FBXL5: variants seen among roughly 807,000 people sequenced by gnomAD.
The protein encoded by FBXL5 is F-box and leucine rich repeat protein 5, also known as F-box/LRR-repeat protein 5.
A neutral mutation model predicts 78.3 loss-of-function variants in FBXL5; 26 were observed. That is an observed-to-expected ratio of 0.33 (90% CI 0.24 to 0.46). The LOEUF (loss-of-function observed/expected upper bound fraction) is 0.46. FBXL5 is among the 20% of genes least tolerant of loss of function. The pLI is 1.00. For synonymous variants in FBXL5, 295 were observed against 282.5 expected (o/e 1.04, Z -0.45); for missense variants, 710 against 829.2 (o/e 0.86, Z 1.77).
intron 1 of FBXL5, chr4:15,681,346 C>T: frequency 6.2e-6 from 1 of 162,464 alleles, no homozygotes. Context: ...GGGCCGGGAG[C>T]GCTTACCCCG....
At chr4:15,672,429 G>A (rs1717805714) in intron 1 of FBXL5, among the ~76,000 whole-genome samples, 2 of 152,220 alleles carry the variant, frequency 1.3e-5, no homozygotes, top group African/African-American at 4.8e-5. Flanking sequence ...AGATGGCACA[G>A]CCTCCTACAC....
chr4:15,680,989 C>CAA (rs56262785), intron 1 of FBXL5, among the ~76,000 whole-genome samples: 1 of 149,366 alleles, frequency 6.7e-6, no homozygotes. Flanking sequence ...ATCTCAACCA[C>CAA]AAAAAAATTT....
intron 9 of FBXL5, among the ~76,000 whole-genome samples, chr4:15,618,033 G>A (rs1712092201): frequency 6.6e-6 from 1 of 152,170 alleles, no homozygotes; most frequent in Admixed American, 6.5e-5. Flanking sequence ...AAAGTAGCAG[G>A]AGGGGAAACA....
In FBXL5 at chr4:15,675,933, A is replaced by G. The variant is rs1008710503; in HGVS notation, c.-284+5450T>C. Reference sequence around the variant, plus strand: ...CAGAAATGCTATTCTGACTACCTCAAACAGAATTCTTTCTGATCCACAGAT... The same window carrying G: ...CAGAAATGCTATTCTGACTACCTCAGACAGAATTCTTTCTGATCCACAGAT... On this transcript the variant is annotated intron_variant, in intron 1 of 4. Coordinates refer to the FBXL5 transcript ENST00000507899. Among the ~76,000 whole-genome samples the G allele has an allele frequency of 1.2e-4, 18 of 152,282 alleles. No homozygotes were observed. The East Asian group carries it at 3.5e-3, about 29-fold the overall frequency.
At chr4:15,647,557 T>C (rs552588756) in intron 1 of FBXL5, among the ~76,000 whole-genome samples, 3 of 152,304 alleles carry the variant, frequency 2.0e-5, no homozygotes, top group African/African-American at 7.2e-5. Context: ...CAGGGAATTT[T>C]GCATATATTC....
chr4:15,644,369 C>T, intron 2 of FBXL5, 124 bp downstream of exon 2: 1 of 764,814 alleles, frequency 1.3e-6, no homozygotes, highest in South Asian at 1.8e-5. Flanking sequence ...CCATCTTTAA[C>T]AAGTGACAAA....
intron 10 of FBXL5, among the ~76,000 whole-genome samples, chr4:15,608,018 T>C (rs1443391947): frequency 6.6e-6 from 1 of 152,190 alleles, no homozygotes; most frequent in African/African-American, 2.4e-5. Flanking sequence ...GGTAGTTGTT[T>C]TGTTTGCATC....
chr4:15,614,688 T>TA lies in FBXL5; in HGVS notation c.1851-2275dup, dbSNP rs1232429386. Among the ~76,000 whole-genome samples, 4 of 152,136 alleles carry TA rather than the reference T, an allele frequency of 2.6e-5. No homozygotes were observed. In the East Asian group the frequency reaches 7.7e-4, roughly 29 times the overall value. ...TATGGTTCCCAGGCCAGTGGAGTTA[T>TA]ATTCCCAGGGGTATGGGTGGAGTTA... is the stretch of plus-strand genomic sequence containing the variant. On this transcript the variant is annotated intron_variant, in intron 9 of 10. Coordinates refer to ENST00000341285, the MANE Select transcript of FBXL5 (RefSeq NM_012161.4).
intron 1 of FBXL5, among the ~76,000 whole-genome samples, chr4:15,668,180 G>A (rs1298203780): frequency 6.6e-6 from 1 of 151,284 alleles, no homozygotes; most frequent in East Asian, 1.9e-4. Flanking sequence ...GCTACTGACA[G>A]AAGTATAAAG....
At chr4:15,639,514 A>G (rs999423144) in intron 3 of FBXL5, among the ~76,000 whole-genome samples, 3 of 152,252 alleles carry the variant, frequency 2.0e-5, no homozygotes. Context: ...AGAATTATCT[A>G]TGGAGATTTC....
chr4:15,642,146 G>A (rs1436133715), intron 2 of FBXL5, among the ~76,000 whole-genome samples: 3 of 151,968 alleles, frequency 2.0e-5, no homozygotes, highest in African/African-American at 7.2e-5. Context: ...GCAATTCTAA[G>A]GAGCTATAAA....
intron 3 of FBXL5, among the ~76,000 whole-genome samples, chr4:15,639,904 G>A (rs762212263): frequency 3.9e-5 from 6 of 152,090 alleles, no homozygotes; most frequent in East Asian, 1.9e-4. Flanking sequence ...CAGGTATTCC[G>A]TTCCTCATAA....
intron 1 of FBXL5, among the ~76,000 whole-genome samples, chr4:15,673,929 A>T (rs997007081): frequency 6.6e-6 from 1 of 152,228 alleles, no homozygotes; most frequent in East Asian, 1.9e-4. Flanking sequence ...CTATTGATCA[A>T]GGTTCACTGT....
intron 9 of FBXL5, among the ~76,000 whole-genome samples, chr4:15,615,034 G>A (rs371950814): frequency 2.0e-5 from 3 of 152,292 alleles, no homozygotes; most frequent in African/African-American, 7.2e-5. Context: ...GCCGGCCCTG[G>A]GCAATGAGGG....
chr4:15,678,973 C>A (rs1718095794), intron 1 of FBXL5, among the ~76,000 whole-genome samples: 1 of 152,096 alleles, frequency 6.6e-6, no homozygotes, highest in Non-Finnish European at 1.5e-5. Flanking sequence ...AAAACAAACC[C>A]TTCACAAACT....
At chr4:15,647,830 A>G (rs1715528193) in intron 1 of FBXL5, among the ~76,000 whole-genome samples, 1 of 152,196 alleles carries the variant, frequency 6.6e-6, no homozygotes, top group African/African-American at 2.4e-5. Flanking sequence ...AACAGGGCTA[A>G]TAATATTAAC....
chr4:15,630,666 C>A lies in FBXL5; in HGVS notation c.892G>T (p.Glu298Ter). Reference protein sequence around the residue: ...WDEDADIDESEESAEESIAIS... With the variant: ...WDEDADIDES ...TAATTTTAATTCCAAACAAGCTTAC[C>A]AGATTCATCAATGTCAGCATCTTCA... Residue 298 changes from glutamate (E) to a stop codon, truncating the protein, a stop_gained and splice_region_variant, in exon 6 of 11, where the codon GAA (glutamate) becomes TAA (stop). Transcript: ENST00000341285. LOFTEE classifies it high-confidence loss of function. 1 of 1,569,892 alleles carries A rather than the reference C, an allele frequency of 6.4e-7. No homozygotes were observed. The highest frequency in any genetic ancestry group is 8.6e-7 in the Non-Finnish European group (1 of 1,164,906).
intron 1 of FBXL5, among the ~76,000 whole-genome samples, chr4:15,672,110 G>T (rs1338401089): frequency 6.6e-6 from 1 of 152,144 alleles, no homozygotes; most frequent in African/African-American, 2.4e-5. Context: ...ATTCAGTTAA[G>T]CTACTTAGAA....
At chr4:15,646,315 T>C (rs1715340567) in intron 1 of FBXL5, among the ~76,000 whole-genome samples, 2 of 152,128 alleles carry the variant, frequency 1.3e-5, no homozygotes, top group Admixed American at 6.5e-5. Flanking sequence ...GCTTGGCTCT[T>C]AAGCCACACA....
Sources: allele counts gnomAD v4.1 joint callset (sites outside exome capture counted in the v4.1 genomes callset), GRCh38; gene constraint gnomAD v4.1.1; transcripts MANE v1.5; gene names NCBI Gene and HGNC (gene_info 2026-07-23, HGNC 2026-07-21).